The following CLEC4D variants were observed in gnomAD, a reference collection of about 807,000 sequenced individuals.
The protein encoded by CLEC4D is C-type (calcium dependent, carbohydrate-recognition domain) lectin, superfamily member 8.
In CLEC4D, 21 loss-of-function variants were observed where a neutral mutation model predicts 21.1. The observed-to-expected ratio is 1.00, with a 90% CI of 0.71 to 1.43. The LOEUF is 1.43. Ranked by LOEUF, CLEC4D falls within the 40% of genes most tolerant of loss-of-function variation. CLEC4D has a pLI of 0.00. For synonymous variants in CLEC4D, 85 were observed against 83.1 expected, an observed-to-expected ratio of 1.02 and a Z score of -0.12; for missense variants, 289 against 260.7, an observed-to-expected ratio of 1.11 and a Z score of -0.75.
the CLEC4D span, among the ~76,000 whole-genome samples, chr12:8,530,505 CTTATT>C: frequency 7.0e-6 from 1 of 142,796 alleles, no homozygotes; most frequent in East Asian, 2.1e-4. Context: ...ATTCTAATAA[CTTATT>C]TTATTTGAAC....
chr12:8,519,582 A>G (rs1940430962), intron 4 of CLEC4D, among the ~76,000 whole-genome samples: 1 of 152,172 alleles, frequency 6.6e-6, no homozygotes, highest in South Asian at 2.1e-4. Context: ...TGTGAGGCAC[A>G]CTGGATAGGT....
rs749030821 is a variant in CLEC4D, at chr12:8,521,108, GT to G, written c.501-14del. On this transcript the variant is annotated splice_polypyrimidine_tract_variant and intron_variant, in intron 5 of 5. Transcript: ENST00000299665. ...TATATACCTATAAATCTCTATCTAT[GT>G]TGTTGTTCTTTCAGATTCTGGCATA... The G allele has an allele frequency of 6.0e-5, 96 of 1,610,674 alleles. No homozygotes were observed. Among genetic ancestry groups the G allele is most frequent in the Non-Finnish European group, 7.7e-5 (91 of 1,178,562 alleles).
chr12:8,519,252 T>G, intron 4 of CLEC4D, 92 bp downstream of exon 4: 5 of 1,456,884 alleles, frequency 3.4e-6, no homozygotes, highest in Non-Finnish European at 4.5e-6. Context: ...CCTCTGTCTG[T>G]TTTCATCTGC....
rs191199396 is a variant in CLEC4D at position 8,521,239 on chromosome 12, A to G, written c.616A>G (p.Ile206Val). Reference protein sequence around the residue: ...DVPCNFEASRICKIPGTTLN With the variant: ...DVPCNFEASRVCKIPGTTLN ...TCCTTGTAACTTTGAAGCAAGTAGGATTTGTAAAATACCTGGAACAACATT... is the reference window on the plus strand; with the variant it reads ...TCCTTGTAACTTTGAAGCAAGTAGGGTTTGTAAAATACCTGGAACAACATT... The change falls in exon 6 of 6, where the codon ATT becomes GTT. Residue 206 changes from isoleucine to valine, a missense_variant. Physicochemically the swap from Ile to Val is conservative, Grantham distance 29. Coordinates refer to ENST00000299665, the MANE Select transcript of CLEC4D (RefSeq NM_080387.5). The G allele has an allele frequency of 3.0e-5, 49 of 1,612,928 alleles. No homozygotes were observed. The African/African-American group carries it at 6.0e-4, about 20-fold the overall frequency.
At chr12:8,515,170 G>A (rs1197738075) in intron 1 of CLEC4D, 66 bp from the exon 2 acceptor site, 2 of 847,464 alleles carry the variant, frequency 2.4e-6, no homozygotes, top group Non-Finnish European at 4.1e-6. Context: ...ATTGCTCCTT[G>A]GTAGAATTAG....
At chr12:8,527,832 T>A in the CLEC4D span, among the ~76,000 whole-genome samples, 1 of 152,130 alleles carries the variant, frequency 6.6e-6, no homozygotes, top group African/African-American at 2.4e-5. Flanking sequence ...CGTGCGTTTG[T>A]GAGTGGGATC....
intron 4 of CLEC4D, 140 bp from the exon 5 acceptor site, chr12:8,520,086 G>A: frequency 7.4e-7 from 1 of 1,344,918 alleles, no homozygotes; most frequent in Non-Finnish European, 9.8e-7. Flanking sequence ...AACATTACAG[G>A]CAGGATTTGA....
chr12:8,530,665 G>T, the CLEC4D span, among the ~76,000 whole-genome samples: 2 of 152,078 alleles, frequency 1.3e-5, no homozygotes, highest in African/African-American at 2.4e-5. Context: ...GTGCTTAATA[G>T]TCTACTGTGG....
intron 2 of CLEC4D, among the ~76,000 whole-genome samples, chr12:8,517,323 A>T (rs1940393334): frequency 1.3e-5 from 2 of 151,408 alleles, no homozygotes; most frequent in South Asian, 4.2e-4. Context: ...TTATACTTTA[A>T]GTTTTAGGGT....
At chr12:8,528,692 A>G in the CLEC4D span, among the ~76,000 whole-genome samples, 1 of 152,192 alleles carries the variant, frequency 6.6e-6, no homozygotes, top group African/African-American at 2.4e-5. Flanking sequence ...TGTGTTAAAA[A>G]GGCAAACTGT....
the CLEC4D span, among the ~76,000 whole-genome samples, chr12:8,528,545 T>G: frequency 6.6e-6 from 1 of 152,200 alleles, no homozygotes; most frequent in Non-Finnish European, 1.5e-5. Context: ...TGGCACCTCA[T>G]CACAATCTCT....
At chr12:8,525,172 TCTG>T (rs1215129423), downstream of CLEC4D, among the ~76,000 whole-genome samples, 1 of 152,218 alleles carries the variant, frequency 6.6e-6, no homozygotes, top group African/African-American at 2.4e-5. Context: ...GAATGTATAT[TCTG>T]CTGATTTGGG....
downstream of CLEC4D, among the ~76,000 whole-genome samples, chr12:8,527,083 C>A (rs1022102291): frequency 1.3e-5 from 2 of 152,160 alleles, no homozygotes; most frequent in South Asian, 4.1e-4. Context: ...TTTCTGGGAC[C>A]TCTGACCTTC....
chr12:8,514,106 T>A (rs1378600688), intron 1 of CLEC4D, among the ~76,000 whole-genome samples: 2 of 152,170 alleles, frequency 1.3e-5, no homozygotes, highest in Non-Finnish European at 2.9e-5. Flanking sequence ...AGGCTCTAAC[T>A]GTCCCATTTT....
chr12:8,515,829 C>G lies in CLEC4D; in HGVS notation c.121+501C>G, dbSNP rs1940372685. On this transcript the variant is annotated intron_variant, in intron 2 of 5. Coordinates refer to ENST00000299665, the MANE Select transcript of CLEC4D (RefSeq NM_080387.5). ...TCTCAATTTGGGGGATTAGTATACACCCTTGAAACCATCACCACCATTAAA... is the reference window on the plus strand; with the variant it reads ...TCTCAATTTGGGGGATTAGTATACAGCCTTGAAACCATCACCACCATTAAA... Among the ~76,000 whole-genome samples the G allele has an allele frequency of 2.0e-5, 3 of 152,002 alleles. No homozygotes were observed. The South Asian group carries it at 6.2e-4, about 32-fold the overall frequency.
downstream of CLEC4D, among the ~76,000 whole-genome samples, chr12:8,523,269 T>A (rs1261407213): frequency 6.6e-6 from 1 of 152,208 alleles, no homozygotes; most frequent in Non-Finnish European, 1.5e-5. Flanking sequence ...TAGCATTGAA[T>A]CTATAAATTG....
chr12:8,516,896 T>C (rs1204819056), intron 2 of CLEC4D, among the ~76,000 whole-genome samples: 5 of 152,162 alleles, frequency 3.3e-5, no homozygotes, highest in African/African-American at 1.2e-4. Context: ...AGGAAGACAA[T>C]AGTTCACTTT....
At chr12:8,515,962 C>T (rs1940374855) in intron 2 of CLEC4D, among the ~76,000 whole-genome samples, 1 of 152,006 alleles carries the variant, frequency 6.6e-6, no homozygotes, top group Admixed American at 6.6e-5. Flanking sequence ...GTTACAGATC[C>T]TGCATGTATA....
At chr12:8,514,387 A>G (rs1010933972) in intron 1 of CLEC4D, among the ~76,000 whole-genome samples, 4 of 152,160 alleles carry the variant, frequency 2.6e-5, no homozygotes, top group African/African-American at 9.6e-5. Context: ...TGAAGGGACC[A>G]TAATTTAGAA....
Sources: allele counts gnomAD v4.1 joint callset (sites outside exome capture counted in the v4.1 genomes callset), GRCh38; gene constraint gnomAD v4.1.1; transcripts MANE v1.5; gene names NCBI Gene and HGNC (gene_info 2026-07-23, HGNC 2026-07-21).